The following SH3D21 variants were observed in gnomAD, a reference collection of about 807,000 sequenced individuals.
SH3D21 encodes SH3 domain-containing protein 21.
SH3D21 carries 83 observed loss-of-function variants against 82.1 expected under a neutral mutation model. The ratio of observed to expected loss-of-function variants is 1.01; its 90% CI spans 0.85 to 1.21. SH3D21 has a LOEUF of 1.21. Among genes scored for constraint, SH3D21 ranks in the 50% most tolerant of loss-of-function variants. The probability of loss-of-function intolerance (pLI) is 0.00; values close to 1 mark genes in which losing one functional copy is unlikely to be tolerated. For synonymous variants in SH3D21, 383 were observed against 387.8 expected, an observed-to-expected ratio of 0.99 and a Z score of 0.15; for missense variants, 980 against 962.1, an observed-to-expected ratio of 1.02 and a Z score of -0.25.
At chr1:36,327,690 G>A (rs1646559153), downstream of SH3D21, 13 of 1,196,566 alleles carry the variant, frequency 1.1e-5, no homozygotes, top group East Asian at 1.7e-4. Flanking sequence ...AGAGAGGGAC[G>A]CACATTAACC....
chr1:36,312,991 T>C lies in SH3D21; in HGVS notation c.769+3401T>C, dbSNP rs1435911455. Among the ~76,000 whole-genome samples, 5 of 151,924 alleles carry C rather than the reference T, an allele frequency of 3.3e-5. No homozygotes were observed. In the East Asian group the frequency reaches 9.7e-4, roughly 29 times the overall value. On this transcript the variant is annotated intron_variant, in intron 10 of 15. Coordinates refer to ENST00000453908, the MANE Select transcript of SH3D21 (RefSeq NM_001162530.2). ...CCTCCCAAAGTGCTGGGATTACAGA[T>C]GTGAGCCACCACACCTGGCCTATCT...
Position 36,309,597 on chromosome 1 carries a change from G to A in SH3D21, c.769+7G>A. ...GTGGTATCTCGGGAATCAGGTGAGT[G>A]CCCGGGGAGCCTGGGATTGGGGGGT... On this transcript the variant is annotated splice_region_variant and intron_variant, in intron 10 of 15. Coordinates refer to ENST00000453908, the MANE Select transcript of SH3D21 (RefSeq NM_001162530.2). 6.4e-7 allele frequency: 1 copy of A among 1,551,638 alleles called. No homozygotes were observed.
Position 36,307,062 on chromosome 1 carries a change from G to A in SH3D21, c.227-105G>A. On this transcript the variant is annotated intron_variant, in intron 3 of 15. Coordinates refer to ENST00000453908, the MANE Select transcript of SH3D21 (RefSeq NM_001162530.2). This position sits in a 1 kb window ranked among gnomAD's most constrained non-coding sequence, Gnocchi z 5.4. ...TTCTCGAGTGCAATGCTCCGCCCTG[G>A]GGCGGGGCTGGAGGGACCAAAGGCT... The A allele has an allele frequency of 1.3e-6, 2 of 1,498,688 alleles. No individual in the cohort carries two copies. Among genetic ancestry groups the A allele is most frequent in the Non-Finnish European group, 1.8e-6 (2 of 1,120,486 alleles). 92.8% of individuals were successfully genotyped at this position (1,498,688 alleles called of 1,614,324 possible).
chr1:36,320,633 C>T lies in SH3D21; in HGVS notation c.1970C>T (p.Thr657Ile). The T allele has an allele frequency of 1.2e-6, 2 of 1,614,262 alleles. No individual in the cohort carries two copies. Among genetic ancestry groups the T allele is most frequent in the Non-Finnish European group, 1.7e-6 (2 of 1,180,042 alleles). ...PPIERAFAQK[T>I]RPIKPPPDSQ... ...ATAGAAAGAGCCTTTGCCCAAAAAA[C>T]ACGTCCTATCAAGCCGCCTCCAGAC... Residue 657 changes from threonine to isoleucine, a missense_variant, in exon 14 of 16, where the codon ACA (threonine) becomes ATA (isoleucine). By Grantham distance (89) the Thr-to-Ile change is moderately conservative (BLOSUM62 -1). Coordinates refer to ENST00000453908, the MANE Select transcript of SH3D21 (RefSeq NM_001162530.2).
chr1:36,324,975 G>T (rs1646527625), downstream of SH3D21: 1 of 152,134 alleles, frequency 6.6e-6, no homozygotes, highest in Non-Finnish European at 1.5e-5. Flanking sequence ...AACCAAAATT[G>T]CATCTGTGCT....
chr1:36,313,126 C>T (rs1004272393), intron 10 of SH3D21, among the ~76,000 whole-genome samples: 1 of 152,002 alleles, frequency 6.6e-6, no homozygotes, highest in South Asian at 2.1e-4. Flanking sequence ...AGACGGAGAC[C>T]ATCTTGGCTA....
Position 36,319,443 on chromosome 1 carries a change from C to A in SH3D21, c.918C>A (p.Gly306=). ...GTCCCTGAGGTTCTGCTCTCTTAGG[C>A]CCCAATGGTGGCTTCCAAAGTGGGG... The part of the protein sequence containing the change: ...DSQKLTSRDS[G]PNGGFQSGGS... The change falls in exon 13 of 16, where the codon GGC becomes GGA. Residue 306 remains glycine (G), a splice_region_variant and synonymous_variant. Coordinates refer to ENST00000453908, the MANE Select transcript of SH3D21 (RefSeq NM_001162530.2). 6.4e-7 allele frequency: 1 copy of A among 1,551,620 alleles called. No individual in the cohort carries two copies. The highest frequency in any genetic ancestry group is 8.7e-7 in the Non-Finnish European group (1 of 1,146,980).
chr1:36,308,505 C>T, intron 9 of SH3D21, 30 bp downstream of exon 9: 1 of 1,538,952 alleles, frequency 6.5e-7, no homozygotes, highest in Non-Finnish European at 8.8e-7. Flanking sequence ...ACTCAGGTGG[C>T]AGGGGCAGGC....
At chr1:36,321,983 G>A (rs1646471237), downstream of SH3D21, 15 of 1,184,832 alleles carry the variant, frequency 1.3e-5, no homozygotes, top group South Asian at 3.2e-5. This position sits in a 1 kb window ranked among gnomAD's most constrained non-coding sequence, Gnocchi z 6.1. Context: ...TGCGTGGCAG[G>A]AGCCTGGGGG....
At chr1:36,315,975 G>T (rs1341630632) in intron 10 of SH3D21, among the ~76,000 whole-genome samples, 4 of 152,120 alleles carry the variant, frequency 2.6e-5, no homozygotes, top group Non-Finnish European at 5.9e-5. Flanking sequence ...AACCTGCATG[G>T]TTATTCCTGA....
Position 36,319,871 on chromosome 1 carries a change from C to A in SH3D21, c.1208C>A (p.Thr403Asn). 1 of 1,613,826 alleles carries A rather than the reference C, an allele frequency of 6.2e-7. No individual in the cohort carries two copies. The change falls in exon 14 of 16, where the codon ACC becomes AAC. Residue 403 changes from threonine to asparagine, a missense_variant. Physicochemically the swap from Thr to Asn is moderately conservative, Grantham distance 65 (BLOSUM62 0). Coordinates refer to ENST00000453908, the MANE Select transcript of SH3D21 (RefSeq NM_001162530.2). ...AAGGCCTCTATCCCAGGGAACTCCA[C>A]CTCGGGGAAGATCCCAGCTCCTGAC... ...GDKASIPGNS[T>N]SGKIPAPDKV...
rs1646431456 is a variant in SH3D21, at chr1:36,320,488, C to CA, written c.1826dup (p.Arg610GlufsTer28). ...TGAAGAGGAGGCGCCCCCCAACGAG[C>CA]AGAGGCCTCTGAGAGAGGAGGTGCT... On this transcript the variant is annotated frameshift_variant, in exon 14 of 16. Coordinates refer to ENST00000453908, the MANE Select transcript of SH3D21 (RefSeq NM_001162530.2). LOFTEE classifies it high-confidence loss of function. The CA allele has an allele frequency of 2.5e-6, 4 of 1,613,946 alleles. No individual in the cohort carries two copies. The highest frequency in any genetic ancestry group is 1.7e-5 in the Admixed American group (1 of 59,994).
At chr1:36,313,995 G>C (rs1321158322) in intron 10 of SH3D21, among the ~76,000 whole-genome samples, 1 of 2,130 alleles carries the variant, frequency 4.7e-4, no homozygotes, top group African/African-American at 5.2e-4. Context: ...TTTTTTTTGA[G>C]ACGGAGTCTC....
At chr1:36,322,619 C>T (rs1327068266), downstream of SH3D21, 4 of 1,547,040 alleles carry the variant, frequency 2.6e-6, no homozygotes, top group African/African-American at 4.1e-5. Flanking sequence ...GGCCCCGGGG[C>T]CGCGGGCGGG....
intron 10 of SH3D21, among the ~76,000 whole-genome samples, chr1:36,317,817 G>A (rs1465470619): frequency 6.6e-6 from 1 of 152,206 alleles, no homozygotes; most frequent in African/African-American, 2.4e-5. Context: ...GCCTACCTTG[G>A]ACTCTCAAAG....
rs544097287 is a variant in SH3D21, at chr1:36,321,221, C to T, written c.*94C>T. On this transcript the variant is annotated 3_prime_UTR_variant, in exon 16 of 16. Transcript: ENST00000453908. The surrounding 1 kb of genome is among the most constrained non-coding windows in gnomAD (Gnocchi z 6.1). ...GGAAACGCGAGAAAGTAAACTCTGC[C>T]TAGCACGGCGCCACGCCGGTCTGGT... is the stretch of plus-strand genomic sequence containing the variant. 4.0e-6 allele frequency: 6 copies of T among 1,513,106 alleles called. No homozygotes were observed. The highest frequency in any genetic ancestry group is 2.1e-5 in the Admixed American group (1 of 48,264). 93.7% of individuals were successfully genotyped at this position (1,513,106 alleles called of 1,614,324 possible).
chr1:36,322,637 C>G (rs542369630), downstream of SH3D21: 3 of 1,546,240 alleles, frequency 1.9e-6, no homozygotes, highest in East Asian at 2.4e-5. Context: ...GGGGCGCCCA[C>G]GAGATGCTGA....
chr1:36,326,134 GAAAGCCAC>G (rs966714678), downstream of SH3D21, among the ~76,000 whole-genome samples: 2 of 152,208 alleles, frequency 1.3e-5, no homozygotes, highest in African/African-American at 4.8e-5. Context: ...TCCAAGGGAA[GAAAGCCAC>G]GCAGATGGTG....
intron 10 of SH3D21, among the ~76,000 whole-genome samples, chr1:36,317,716 A>G (rs1646368779): frequency 6.6e-6 from 1 of 152,150 alleles, no homozygotes; most frequent in South Asian, 2.1e-4. Flanking sequence ...GGCGCACGCC[A>G]CCATGCCTGG....
Sources: allele counts gnomAD v4.1 joint callset (sites outside exome capture counted in the v4.1 genomes callset), GRCh38; gene constraint gnomAD v4.1.1; non-coding constraint Gnocchi (gnomAD v3.1); transcripts MANE v1.5; gene names NCBI Gene and HGNC (gene_info 2026-07-23, HGNC 2026-07-21).